The following TNIK variants were observed in gnomAD, a reference collection of about 807,000 sequenced individuals.
The protein encoded by TNIK is TRAF2 and NCK-interacting protein kinase.
Under a neutral mutation model 191.3 loss-of-function variants are expected in TNIK, and 49 were observed. The observed-to-expected ratio is 0.26, with a 90% CI of 0.20 to 0.32. The LOEUF (loss-of-function observed/expected upper bound fraction) is 0.32. Among genes scored for constraint, TNIK ranks in the 10% least tolerant of loss-of-function variants. The probability of loss-of-function intolerance (pLI) is 1.00; values close to 1 mark genes in which losing one functional copy is unlikely to be tolerated. For synonymous variants in TNIK, 594 were observed against 600.9 expected (o/e 0.99, Z 0.17); for missense variants, 1,155 against 1,702.3 (o/e 0.68, Z 5.66).
In TNIK at chr3:171,128,887, C is replaced by CAAAAAAAAAA. The variant is rs59293515; in HGVS notation, c.1609-19_1609-10dup. On this transcript the variant is annotated splice_polypyrimidine_tract_variant and intron_variant, in intron 15 of 32. Transcript: ENST00000436636. ...CTTGACCGTTCTTCTACCTACAACC[C>CAAAAAAAAAA]AAAAAAAAAAAAAAAAAAAAGACAG... 52 of 1,245,148 alleles carry CAAAAAAAAAA rather than the reference C, an allele frequency of 4.2e-5. No individual in the cohort carries two copies. Among genetic ancestry groups the CAAAAAAAAAA allele is most frequent in the Middle Eastern group, 2.8e-4 (1 of 3,518 alleles). 77.1% of individuals were successfully genotyped at this position (1,245,148 alleles called of 1,614,324 possible).
At chr3:171,303,827 TATC>T (rs943578659) in intron 2 of TNIK, among the ~76,000 whole-genome samples, 1 of 152,102 alleles carries the variant, frequency 6.6e-6, no homozygotes, top group African/African-American at 2.4e-5. Context: ...TTAAGAAAAA[TATC>T]ATTGCTAGCC....
intron 22 of TNIK, 43 bp downstream of exon 22, chr3:171,101,406 C>A: frequency 6.5e-7 from 1 of 1,544,264 alleles, no homozygotes; most frequent in Non-Finnish European, 8.7e-7. Flanking sequence ...ATTTTGGAAA[C>A]CTAGTCCCCT....
chr3:171,328,055 C>A (rs1367590697), intron 2 of TNIK, among the ~76,000 whole-genome samples: 1 of 152,126 alleles, frequency 6.6e-6, no homozygotes, highest in Non-Finnish European at 1.5e-5. Flanking sequence ...TGTGTCTGCA[C>A]CCCAAAATTC....
At chr3:171,211,747 G>C (rs1018661317) in intron 3 of TNIK, among the ~76,000 whole-genome samples, 1 of 152,132 alleles carries the variant, frequency 6.6e-6, no homozygotes, top group Non-Finnish European at 1.5e-5. Context: ...AGGAGCAAAG[G>C]TAAGTTCTCT....
intron 2 of TNIK, among the ~76,000 whole-genome samples, chr3:171,344,061 T>C (rs1711740669): frequency 6.6e-6 from 1 of 152,218 alleles, no homozygotes; most frequent in Non-Finnish European, 1.5e-5. Context: ...CTAGAAAGTT[T>C]CATTTATTTC....
At chr3:171,090,465 C>A (rs1055240681) in intron 23 of TNIK, among the ~76,000 whole-genome samples, 1 of 97,040 alleles carries the variant, frequency 1.0e-5, no homozygotes, top group African/African-American at 4.0e-5. Flanking sequence ...TAAGTGGGTT[C>A]TTTTACTCAT....
At chr3:171,173,504 T>A (rs1264832776) in intron 9 of TNIK, among the ~76,000 whole-genome samples, 1 of 151,334 alleles carries the variant, frequency 6.6e-6, no homozygotes, top group Non-Finnish European at 1.5e-5. Flanking sequence ...AGAAGGACAA[T>A]CACTTGTCCT....
chr3:171,321,492 G>T (rs1175595568), intron 2 of TNIK, among the ~76,000 whole-genome samples: 1 of 152,158 alleles, frequency 6.6e-6, no homozygotes, highest in Non-Finnish European at 1.5e-5. Context: ...GGCAGGCCAC[G>T]CTGTAATTTT....
At chr3:171,201,395 G>A (rs946823508) in intron 4 of TNIK, among the ~76,000 whole-genome samples, 8 of 151,938 alleles carry the variant, frequency 5.3e-5, no homozygotes, top group Admixed American at 2.6e-4. Context: ...GCGAAACTCC[G>A]TCTCAAAATA....
chr3:171,113,236 T>A (rs1464024020), intron 18 of TNIK, among the ~76,000 whole-genome samples: 4 of 152,210 alleles, frequency 2.6e-5, no homozygotes, highest in Admixed American at 2.0e-4. Context: ...TATTTTTTTT[T>A]ATTATCTTCT....
chr3:171,146,294 C>T (rs1478776306), intron 12 of TNIK, among the ~76,000 whole-genome samples: 1 of 152,226 alleles, frequency 6.6e-6, no homozygotes, highest in East Asian at 1.9e-4. Context: ...GTATTAATCT[C>T]TTTAAGCCAC....
intron 12 of TNIK, among the ~76,000 whole-genome samples, chr3:171,142,699 T>C (rs1000306560): frequency 1.3e-5 from 2 of 152,176 alleles, no homozygotes; most frequent in East Asian, 3.9e-4. Flanking sequence ...AACATCAGCA[T>C]AGGCACTGAC....
chr3:171,316,691 G>A (rs1047652240), intron 2 of TNIK, among the ~76,000 whole-genome samples: 3 of 152,038 alleles, frequency 2.0e-5, no homozygotes, highest in Non-Finnish European at 4.4e-5. Flanking sequence ...GTGGAGAAGG[G>A]AAATGATTTG....
At chr3:171,073,823 A>AC (rs1326275128) in intron 28 of TNIK, among the ~76,000 whole-genome samples, 2 of 151,482 alleles carry the variant, frequency 1.3e-5, no homozygotes, top group Non-Finnish European at 2.9e-5. Context: ...CACACCAGTC[A>AC]GAATGGCTAA....
chr3:171,171,416 TCCAGGCTGGTTCTC>T lies in TNIK; in HGVS notation c.773+3822_773+3835del, dbSNP rs796690657. ...CTTGGAGCAAAAGCAGGAGGCTGGGTCCAGGCTGGTTCTCCCAGTAAGGAGGCTAGAACTCGTGC... is the reference window on the plus strand; with the variant it reads ...CTTGGAGCAAAAGCAGGAGGCTGGGTCCAGTAAGGAGGCTAGAACTCGTGC... On this transcript the variant is annotated intron_variant, in intron 9 of 32. Coordinates refer to ENST00000436636, the MANE Select transcript of TNIK (RefSeq NM_015028.4). Among the ~76,000 whole-genome samples, 83 of 152,076 alleles carry T rather than the reference TCCAGGCTGGTTCTC, an allele frequency of 5.5e-4. 3 individuals carry two copies. Among genetic ancestry groups the T allele is most frequent in the African/African-American group, 1.9e-3 (77 of 41,474 alleles).
At position 171,249,863 on chromosome 3, in the gene TNIK, T is replaced by C. The variant is rs142345729; in HGVS notation, c.124-21642A>G. On this transcript the variant is annotated intron_variant, in intron 2 of 32. Transcript: ENST00000436636. Reference sequence around the variant, plus strand: ...ACTCCCTAACTGTTCCTAGCTATCCTGGTTTCTTACTGAGCTAGTAACTAA... The same window carrying C: ...ACTCCCTAACTGTTCCTAGCTATCCCGGTTTCTTACTGAGCTAGTAACTAA... 2.9e-4 allele frequency among the ~76,000 whole-genome samples: 44 copies of C among 152,334 alleles called. 1 individual carries two copies. The highest frequency in any genetic ancestry group is 1.1e-3 in the African/African-American group (44 of 41,570).
At chr3:171,140,560 G>A in intron 12 of TNIK, 51 bp from the exon 13 acceptor site, 1 of 1,546,714 alleles carries the variant, frequency 6.5e-7, no homozygotes, top group Non-Finnish European at 8.9e-7. Flanking sequence ...CCGGTGGGGG[G>A]TGTCAGGGAG....
In TNIK at chr3:171,064,443, C is replaced by G. The variant is rs531561530; in HGVS notation, c.4000-479G>C. ...AGTTTTAGGCCTACTGACTATCATACAGTTTCAGATTTCAGTTTTTTAAAT... is the reference window on the plus strand; with the variant it reads ...AGTTTTAGGCCTACTGACTATCATAGAGTTTCAGATTTCAGTTTTTTAAAT... On this transcript the variant is annotated intron_variant, in intron 32 of 32. Coordinates refer to ENST00000436636, the MANE Select transcript of TNIK (RefSeq NM_015028.4). Among the ~76,000 whole-genome samples the G allele has an allele frequency of 5.3e-5, 8 of 152,312 alleles. No individual in the cohort carries two copies. In the South Asian group the frequency reaches 1.7e-3, roughly 32 times the overall value.
At chr3:171,173,119 T>G (rs1735526406) in intron 9 of TNIK, among the ~76,000 whole-genome samples, 1 of 150,954 alleles carries the variant, frequency 6.6e-6, no homozygotes, top group Admixed American at 6.6e-5. Context: ...GCGCGGTGGC[T>G]CACGCCTGTA....
Sources: allele counts gnomAD v4.1 joint callset (sites outside exome capture counted in the v4.1 genomes callset), GRCh38; gene constraint gnomAD v4.1.1; transcripts MANE v1.5; gene names NCBI Gene and HGNC (gene_info 2026-07-23, HGNC 2026-07-21).